The following MPV17L variants were observed in gnomAD, a reference collection of about 807,000 sequenced individuals.
MPV17L encodes the protein MPV17 mitochondrial inner membrane protein like, also known as mpv17-like protein.
Under a neutral mutation model 25.8 loss-of-function variants are expected in MPV17L, and 24 were observed. The ratio of observed to expected loss-of-function variants is 0.93; its 90% CI spans 0.67 to 1.31. MPV17L has a LOEUF of 1.31. MPV17L is among the 50% of genes most tolerant of loss of function. The pLI, the probability that MPV17L is intolerant of heterozygous loss-of-function variation, is 0.00. For synonymous variants in MPV17L, 102 were observed against 115.3 expected (o/e 0.88, Z 0.74); for missense variants, 250 against 265.6 (o/e 0.94, Z 0.41).
intron 2 of MPV17L, among the ~76,000 whole-genome samples, chr16:15,402,301 C>T (rs153000): frequency 0.13 from 19,975 of 152,148 alleles, 1,662 homozygotes; most frequent in East Asian, 0.41. Context: ...TGCCCTAGAG[C>T]ATGTTTGATT....
intron 2 of MPV17L, 68 bp downstream of exon 2, chr16:15,400,925 A>G: frequency 9.9e-7 from 1 of 1,012,216 alleles, no homozygotes; most frequent in Non-Finnish European, 1.3e-6. Flanking sequence ...TGTGTATAAA[A>G]ATATATGTTT....
At chr16:15,407,025 G>A (rs1274457862) in intron 2 of MPV17L, among the ~76,000 whole-genome samples, 2 of 148,916 alleles carry the variant, frequency 1.3e-5, no homozygotes, top group Non-Finnish European at 3.0e-5. Flanking sequence ...GCTTTTGCCT[G>A]GGAGTTCAAG....
intron 2 of MPV17L, among the ~76,000 whole-genome samples, chr16:15,401,527 A>T (rs1292728076): frequency 3.9e-5 from 6 of 152,194 alleles, no homozygotes; most frequent in Non-Finnish European, 7.3e-5. Flanking sequence ...CTGGAAAGAA[A>T]TAATGTCTCT....
chr16:15,396,025 C>T lies in MPV17L; in HGVS notation c.128C>T (p.Ala43Val), dbSNP rs763405019. 6.5e-7 allele frequency: 1 copy of T among 1,529,992 alleles called. No homozygotes were observed. The allele number at this position is 1,529,992 out of a possible 1,614,324, so 94.8% of individuals were successfully genotyped here. The change falls in exon 1 of 4, where the codon GCC becomes GTC. Residue 43 changes from alanine (A) to valine (V), a missense_variant. Physicochemically the swap from Ala to Val is moderately conservative, Grantham distance 64 (BLOSUM62 0). Coordinates refer to ENST00000396385, the MANE Select transcript of MPV17L (RefSeq NM_001128423.2). Reference sequence around the variant, plus strand: ...CAACAGCGGCTGCAGGGCCGCGAGGCCAACTGGCGCCAGACGCGGCGCGTG... The same window carrying T: ...CAACAGCGGCTGCAGGGCCGCGAGGTCAACTGGCGCCAGACGCGGCGCGTG... ...ALQQRLQGRE[A>V]NWRQTRRVAT...
At chr16:15,398,499 C>T (rs1448374037) in intron 1 of MPV17L, among the ~76,000 whole-genome samples, 2 of 152,052 alleles carry the variant, frequency 1.3e-5, no homozygotes, top group Non-Finnish European at 2.9e-5. Context: ...ACTAACAAGA[C>T]TTGAACCTAA....
In MPV17L at chr16:15,395,763, G is replaced by A. The variant is rs2050571646; in HGVS notation, c.-135G>A. On this transcript the variant is annotated 5_prime_UTR_variant, in exon 1 of 4. Transcript: ENST00000396385. ...TGTGTGTGGGTCGCTCAATCGCTCCGGAGCTTCTGGAGGGGGCAGATGCAG... is the reference window on the plus strand; with the variant it reads ...TGTGTGTGGGTCGCTCAATCGCTCCAGAGCTTCTGGAGGGGGCAGATGCAG... 13 of 836,376 alleles carry A rather than the reference G, an allele frequency of 1.6e-5. No homozygotes were observed. The highest frequency in any genetic ancestry group is 2.2e-5 in the Non-Finnish European group (13 of 595,970). The allele number at this position is 836,376 out of a possible 1,614,324, so 51.8% of individuals were successfully genotyped here.
chr16:15,396,136 A>G lies in MPV17L; in HGVS notation c.239A>G (p.His80Arg). Residue 80 changes from histidine (H) to arginine (R), a missense_variant, in exon 1 of 4, where the codon CAC becomes CGC. His to Arg is a conservative substitution (Grantham distance 29, BLOSUM62 0). Coordinates refer to ENST00000396385, the MANE Select transcript of MPV17L (RefSeq NM_001128423.2). Reference sequence around the variant, plus strand: ...CGCGCGCTCCCGGGCCGAGCGCCGCACGCCCTGCTGGCCAAGTTGCTGTGC... The same window carrying G: ...CGCGCGCTCCCGGGCCGAGCGCCGCGCGCCCTGCTGGCCAAGTTGCTGTGC... Reference protein sequence around the residue: ...LERALPGRAPHALLAKLLCDQ... With the variant: ...LERALPGRAPRALLAKLLCDQ... 3.2e-6 allele frequency: 5 copies of G among 1,548,080 alleles called. 1 individual carries two copies. Among genetic ancestry groups the G allele is most frequent in the East Asian group, 2.4e-5 (1 of 41,012 alleles).
intron 1 of MPV17L, among the ~76,000 whole-genome samples, chr16:15,398,849 C>T (rs905359178): frequency 4.6e-5 from 7 of 152,118 alleles, no homozygotes; most frequent in Non-Finnish European, 1.0e-4. Context: ...CCACCTCGGT[C>T]TCCCAAAGTG....
At chr16:15,407,540 G>T (rs1199090910) in intron 2 of MPV17L, among the ~76,000 whole-genome samples, 1 of 151,760 alleles carries the variant, frequency 6.6e-6, no homozygotes, top group African/African-American at 2.4e-5. Flanking sequence ...TCGGGAGTTC[G>T]AGACCAGCCT....
intron 1 of MPV17L, among the ~76,000 whole-genome samples, chr16:15,398,093 A>T (rs1459351583): frequency 6.6e-6 from 1 of 151,402 alleles, no homozygotes; most frequent in East Asian, 1.9e-4. Flanking sequence ...CCCAGCCTGG[A>T]GTGTGCAGTG....
rs2050571379 is a variant in MPV17L at position 15,395,756 on chromosome 16, T to C, written c.-142T>C. On this transcript the variant is annotated 5_prime_UTR_variant, in exon 1 of 4. Coordinates refer to ENST00000396385, the MANE Select transcript of MPV17L (RefSeq NM_001128423.2). Reference sequence around the variant, plus strand: ...AGCTGGGTGTGTGTGGGTCGCTCAATCGCTCCGGAGCTTCTGGAGGGGGCA... The same window carrying C: ...AGCTGGGTGTGTGTGGGTCGCTCAACCGCTCCGGAGCTTCTGGAGGGGGCA... The C allele has an allele frequency of 1.3e-6, 1 of 797,992 alleles. No homozygotes were observed. Among genetic ancestry groups the C allele is most frequent in the African/African-American group, 1.8e-5 (1 of 54,542 alleles). The allele number at this position is 797,992 out of a possible 1,614,324, so 49.4% of individuals were successfully genotyped here.
At position 15,400,781 on chromosome 16, in the gene MPV17L, A is replaced by G; in HGVS notation, c.311-6A>G. 1.9e-6 allele frequency: 3 copies of G among 1,591,462 alleles called. No individual in the cohort carries two copies. Among genetic ancestry groups the G allele is most frequent in the Non-Finnish European group, 2.6e-6 (3 of 1,171,608 alleles). ...TTTTAAAATTTTTTTTGGGTTTTGC[A>G]AATAGGTATGAGCATTCTCCAAGGA... is the stretch of plus-strand genomic sequence containing the variant. On this transcript the variant is annotated splice_region_variant and splice_polypyrimidine_tract_variant and intron_variant, in intron 1 of 3. Transcript: ENST00000396385.
In MPV17L at chr16:15,410,069, A is replaced by G. The variant is rs2050719724; in HGVS notation, c.*1957A>G. ...TAAATATTTATACTTTAAGGTAAAC[A>G]TGAGAAACTTGATCTAATATTTAAT... is the stretch of plus-strand genomic sequence containing the variant. On this transcript the variant is annotated 3_prime_UTR_variant, in exon 4 of 4. Transcript: ENST00000396385. 2 of 152,334 alleles carry G rather than the reference A, an allele frequency of 1.3e-5. No homozygotes were observed. The highest frequency in any genetic ancestry group is 3.4e-3 in the Middle Eastern group (1 of 294). The allele number at this position is 152,334 out of a possible 1,614,324, so 9.4% of individuals were successfully genotyped here. A position where few individuals can be genotyped will look rare whatever the true frequency, so the allele number is the denominator to read the frequency against.
At chr16:15,406,257 TAC>T (rs2050679839) in intron 2 of MPV17L, among the ~76,000 whole-genome samples, 1 of 151,902 alleles carries the variant, frequency 6.6e-6, no homozygotes, top group South Asian at 2.1e-4. Flanking sequence ...TGTATATGTA[TAC>T]ACACATTATA....
At chr16:15,403,046 T>C (rs1190316425) in intron 2 of MPV17L, among the ~76,000 whole-genome samples, 1 of 151,656 alleles carries the variant, frequency 6.6e-6, no homozygotes, top group Non-Finnish European at 1.5e-5. Context: ...TCTATGGAGA[T>C]ATGTACATCT....
chr16:15,401,078 ATATATATATT>A (rs1302834530), intron 2 of MPV17L, among the ~76,000 whole-genome samples: 11 of 30,944 alleles, frequency 3.6e-4, no homozygotes, highest in Non-Finnish European at 7.1e-4. Context: ...ATATATATAT[ATATATATATT>A]TTTTTTTTTT....
At chr16:15,397,278 A>G (rs1168499681) in intron 1 of MPV17L, among the ~76,000 whole-genome samples, 1 of 152,154 alleles carries the variant, frequency 6.6e-6, no homozygotes, top group Non-Finnish European at 1.5e-5. Flanking sequence ...TCGTGAAGCT[A>G]TAGCTTCTCC....
At chr16:15,405,143 T>G (rs1157888202) in intron 2 of MPV17L, among the ~76,000 whole-genome samples, 1 of 152,140 alleles carries the variant, frequency 6.6e-6, no homozygotes, top group Non-Finnish European at 1.5e-5. Flanking sequence ...CAGCCAATTC[T>G]TTGAGGCATC....
At chr16:15,397,231 G>A (rs917213481) in intron 1 of MPV17L, among the ~76,000 whole-genome samples, 2 of 152,158 alleles carry the variant, frequency 1.3e-5, no homozygotes, top group African/African-American at 2.4e-5. Context: ...GAGTCATGAT[G>A]CTAGCACATA....
Sources: gnomAD v4.1 joint callset for allele counts (sites outside exome capture counted in the v4.1 genomes callset) on GRCh38, gnomAD v4.1.1 for gene constraint, MANE v1.5 for transcripts, NCBI Gene and HGNC (gene_info 2026-07-23, HGNC 2026-07-21) for gene names.